Variants in ZNF410 observed in about 807,000 individuals in gnomAD.
The protein encoded by ZNF410 is another partner for ARF 1.
ZNF410 carries 18 observed loss-of-function variants against 54.8 expected under a neutral mutation model. That is an observed-to-expected ratio of 0.33 (90% confidence interval 0.23 to 0.49). The LOEUF (loss-of-function observed/expected upper bound fraction) is 0.49, where lower values mean the gene tolerates loss of function less well. Ranked by LOEUF, ZNF410 falls within the 20% of genes least tolerant of loss-of-function variation. The pLI is 0.99. For missense variants in ZNF410, 405 were observed against 569.6 expected, an observed-to-expected ratio of 0.71 and a Z score of 2.94; for synonymous variants, 191 against 207.3, an observed-to-expected ratio of 0.92 and a Z score of 0.68.
At chr14:73,900,192 T>A (rs182027958) in intron 5 of ZNF410, among the ~76,000 whole-genome samples, 147 of 143,576 alleles carry the variant, frequency 1.0e-3, no homozygotes, top group African/African-American at 1.5e-3. Flanking sequence ...AAACTTGGTC[T>A]CCCAAAAAAA....
intron 8 of ZNF410, among the ~76,000 whole-genome samples, chr14:73,918,818 C>T (rs1236909732): frequency 1.3e-5 from 2 of 148,898 alleles, no homozygotes; most frequent in Non-Finnish European, 3.0e-5. Context: ...TCTGCCTCAG[C>T]GTACCGAGTA....
intron 1 of ZNF410, among the ~76,000 whole-genome samples, chr14:73,890,229 C>T (rs1366858872): frequency 6.6e-6 from 1 of 151,492 alleles, no homozygotes; most frequent in Non-Finnish European, 1.5e-5. Context: ...TGCTCTGTCG[C>T]CCAGGCTGGA....
chr14:73,909,617 A>C, intron 8 of ZNF410, 187 bp downstream of exon 8: 1 of 473,812 alleles, frequency 2.1e-6, no homozygotes, highest in Non-Finnish European at 3.7e-6. Flanking sequence ...TGGGGGGGGG[A>C]CATCTAATTA....
intron 2 of ZNF410, 36 bp downstream of exon 2, chr14:73,892,244 G>T: frequency 6.2e-7 from 1 of 1,607,862 alleles, no homozygotes; most frequent in East Asian, 2.3e-5. Context: ...TTCTTTTGGT[G>T]GGCTATATTT....
intron 11 of ZNF410, chr14:73,927,232 G>A: frequency 4.4e-6 from 1 of 227,668 alleles, no homozygotes; most frequent in Admixed American, 5.2e-5. Flanking sequence ...ACCACAGGCA[G>A]GTGCCACCAC....
intron 8 of ZNF410, 28 bp downstream of exon 8, chr14:73,909,458 T>A: frequency 6.3e-7 from 1 of 1,595,928 alleles, no homozygotes; most frequent in African/African-American, 1.3e-5. Context: ...ATTCATAGAT[T>A]TTAGGAAAAG....
chr14:73,925,693 G>C (rs2055819825), intron 11 of ZNF410, among the ~76,000 whole-genome samples: 1 of 152,100 alleles, frequency 6.6e-6, no homozygotes, highest in Non-Finnish European at 1.5e-5. Context: ...CTCCCAAAGT[G>C]CTGGGATTAC....
chr14:73,898,494 C>A, intron 5 of ZNF410: 1 of 547,066 alleles, frequency 1.8e-6, no homozygotes, highest in African/African-American at 1.9e-5. Context: ...GTACAGAGCC[C>A]CTTTTAAAGA....
rs559986346 is a variant in ZNF410, at chr14:73,909,609, G to GC, written c.1003+179_1003+180insC. Reference sequence around the variant, plus strand: ...CCCTTAATTCTTATAATCAAGGTTGGGGGGGGGACATCTAATTATTATTTT... The same window carrying GC: ...CCCTTAATTCTTATAATCAAGGTTGGCGGGGGGGACATCTAATTATTATTTT... On this transcript the variant is annotated intron_variant, in intron 8 of 11. Coordinates refer to ENST00000555044, the MANE Select transcript of ZNF410 (RefSeq NM_021188.3). 1,453 of 480,600 alleles carry GC rather than the reference G, an allele frequency of 3.0e-3. 15 individuals carry two copies. In the African/African-American group the frequency reaches 0.037, roughly 12 times the overall value. The allele number at this position is 480,600 out of a possible 1,614,324, so 29.8% of individuals were successfully genotyped here.
chr14:73,894,029 C>A, intron 3 of ZNF410, 97 bp downstream of exon 3: 1 of 1,432,116 alleles, frequency 7.0e-7, no homozygotes, highest in Non-Finnish European at 9.4e-7. Flanking sequence ...TAATAACTGA[C>A]TGGTGGAAAC....
intron 8 of ZNF410, 125 bp from the exon 9 acceptor site, chr14:73,920,855 C>G (rs1379196217): frequency 7.8e-7 from 1 of 1,276,918 alleles, no homozygotes. Context: ...TGGGAAGGTG[C>G]GGAATGGGAA....
At chr14:73,915,653 T>G (rs2140317147) in intron 8 of ZNF410, 1 of 152,142 alleles carries the variant, frequency 6.6e-6, no homozygotes, top group East Asian at 1.9e-4. Flanking sequence ...ATGATTAAAT[T>G]TGATGTTAGC....
intron 6 of ZNF410, among the ~76,000 whole-genome samples, chr14:73,904,666 C>T (rs1212341694): frequency 6.6e-6 from 1 of 152,080 alleles, no homozygotes; most frequent in Non-Finnish European, 1.5e-5. Flanking sequence ...GCTATGTTGC[C>T]CAAGCTGATC....
Position 73,932,009 on chromosome 14 carries a change from AATTCTCTTGTTAC to A in ZNF410, c.*475_*487del. 2 of 456,532 alleles carry A rather than the reference AATTCTCTTGTTAC, an allele frequency of 4.4e-6. No individual in the cohort carries two copies. The highest frequency in any genetic ancestry group is 8.8e-6 in the Non-Finnish European group (2 of 226,826). The allele number at this position is 456,532 out of a possible 1,614,324, so 28.3% of individuals were successfully genotyped here. ...TTGCTTTGAAGAAGGGAGTGATGTC[AATTCTCTTGTTAC>A]ATTCTCCCTTTAGCAACCTGAGTAA... On this transcript the variant is annotated 3_prime_UTR_variant, in exon 12 of 12. Coordinates refer to ENST00000555044, the MANE Select transcript of ZNF410 (RefSeq NM_021188.3).
chr14:73,909,615 G>GGT, intron 8 of ZNF410, 185 bp downstream of exon 8: 3 of 472,410 alleles, frequency 6.4e-6, no homozygotes, highest in Admixed American at 3.9e-5. Flanking sequence ...GTTGGGGGGG[G>GGT]GACATCTAAT....
intron 5 of ZNF410, among the ~76,000 whole-genome samples, chr14:73,900,376 A>ATTT (rs200858040): frequency 7.1e-6 from 1 of 141,414 alleles, no homozygotes; most frequent in African/African-American, 2.6e-5. Flanking sequence ...ACACATTTTA[A>ATTT]TTTTTTTTTT....
chr14:73,895,017 C>T (rs898584155), intron 3 of ZNF410, among the ~76,000 whole-genome samples: 1 of 152,028 alleles, frequency 6.6e-6, no homozygotes, highest in African/African-American at 2.4e-5. Flanking sequence ...TAAAAATTAG[C>T]TGGGCATGGT....
intron 9 of ZNF410, among the ~76,000 whole-genome samples, chr14:73,921,831 T>A (rs2055759021): frequency 6.6e-6 from 1 of 152,238 alleles, no homozygotes; most frequent in African/African-American, 2.4e-5. Context: ...CTATCCTGTT[T>A]CATATGCTAA....
At chr14:73,898,329 G>GT (rs1318167806) in intron 5 of ZNF410, 67 bp downstream of exon 5, 1 of 1,496,018 alleles carries the variant, frequency 6.7e-7, no homozygotes, top group East Asian at 2.3e-5. Context: ...GCAGTGGCTG[G>GT]TTTGAGTTGT....
Sources: gnomAD v4.1 joint callset for allele counts (sites outside exome capture counted in the v4.1 genomes callset) on GRCh38, gnomAD v4.1.1 for gene constraint, MANE v1.5 for transcripts, NCBI Gene and HGNC (gene_info 2026-07-23, HGNC 2026-07-21) for gene names.